The following ATAD2 variants were observed in gnomAD, a reference collection of about 807,000 sequenced individuals.
The protein encoded by ATAD2 is ATPase family AAA domain containing 2, also known as ATPase family AAA domain-containing protein 2.
In ATAD2, 62 loss-of-function variants were observed where a neutral mutation model predicts 168.9. That is an observed-to-expected ratio of 0.37 (90% CI 0.30 to 0.45). The LOEUF (loss-of-function observed/expected upper bound fraction) is 0.45, where lower values mean the gene tolerates loss of function less well. Ranked by LOEUF, ATAD2 falls within the 20% of genes least tolerant of loss-of-function variation. The pLI is 1.00. For synonymous variants in ATAD2, 613 were observed against 571.6 expected (o/e 1.07, Z -1.03); for missense variants, 1,419 against 1,667.8 (o/e 0.85, Z 2.60).
At chr8:123,400,658 A>C, upstream of ATAD2, 1 of 709,092 alleles carries the variant, frequency 1.4e-6, no homozygotes, top group Non-Finnish European at 2.6e-6. The surrounding 1 kb of genome is among the most constrained non-coding windows in gnomAD (Gnocchi z 4.5). Context: ...GCCAGAGCCG[A>C]CAGCCTCACC....
At chr8:123,330,398 T>TCTGTCACCCAGGCTGGAGTG (rs577645438) in intron 24 of ATAD2, among the ~76,000 whole-genome samples, 2 of 152,102 alleles carry the variant, frequency 1.3e-5, no homozygotes, top group Admixed American at 6.6e-5. Context: ...GGAGTCTTGC[T>TCTGTCACCCAGGCTGGAGTG]CTGTCACCCA....
At chr8:123,382,235 G>C (rs1253787776) in intron 1 of ATAD2, among the ~76,000 whole-genome samples, 1 of 152,162 alleles carries the variant, frequency 6.6e-6, no homozygotes, top group Non-Finnish European at 1.5e-5. Context: ...GTCGAATGTT[G>C]TTTTATCAGG....
rs373026665 is a variant in ATAD2, at chr8:123,328,621, C to G, written c.3479-42G>C. The G allele has an allele frequency of 2.7e-6, 4 of 1,491,222 alleles. No homozygotes were observed. In the South Asian group the frequency reaches 5.9e-5, roughly 22 times the overall value. The allele number at this position is 1,491,222 out of a possible 1,614,324, so 92.4% of individuals were successfully genotyped here. A position where few individuals can be genotyped will look rare whatever the true frequency, so the allele number is the denominator to read the frequency against. ...GAAAAATGATGAAAGAACATTCAACCATTTTCTGAAATTCAAAGAGTGAAA... is the reference window on the plus strand; with the variant it reads ...GAAAAATGATGAAAGAACATTCAACGATTTTCTGAAATTCAAAGAGTGAAA... On this transcript the variant is annotated intron_variant, in intron 24 of 27. Transcript: ENST00000287394.
chr8:123,354,837 C>CAA lies in ATAD2; in HGVS notation c.1646+1550_1646+1551dup, dbSNP rs71310668. 2.4e-3 allele frequency among the ~76,000 whole-genome samples: 55 copies of CAA among 22,788 alleles called. 3 individuals are homozygous for CAA. The highest frequency in any genetic ancestry group is 5.7e-3 in the African/African-American group (19 of 3,316). 14.9% of individuals were successfully genotyped at this position (22,788 alleles called of 152,430 possible). On this transcript the variant is annotated intron_variant, in intron 13 of 27. Coordinates refer to ENST00000287394, the MANE Select transcript of ATAD2 (RefSeq NM_014109.4). Reference sequence around the variant, plus strand: ...TGGGCAACAGAGCAAGACTCTGTCTCAAAAAAAAAAAAAAAAAAAAAAAAA... The same window carrying CAA: ...TGGGCAACAGAGCAAGACTCTGTCTCAAAAAAAAAAAAAAAAAAAAAAAAAAA...
chr8:123,383,546 C>CG (rs1563861854), intron 1 of ATAD2, among the ~76,000 whole-genome samples: 2 of 150,180 alleles, frequency 1.3e-5, no homozygotes, highest in African/African-American at 4.9e-5. Context: ...CCGAGGCTGG[C>CG]GGATCACCTG....
At chr8:123,390,179 A>G (rs1448996527) in intron 1 of ATAD2, among the ~76,000 whole-genome samples, 2 of 151,754 alleles carry the variant, frequency 1.3e-5, no homozygotes, top group East Asian at 3.9e-4. Flanking sequence ...GGATTTCACC[A>G]TGTTGGCTAG....
intron 1 of ATAD2, among the ~76,000 whole-genome samples, chr8:123,415,845 G>C (rs1249577142): frequency 6.6e-6 from 1 of 152,006 alleles, no homozygotes; most frequent in African/African-American, 2.4e-5. Context: ...CACCCGCCTC[G>C]GTCTCCCAAA....
At chr8:123,400,840 G>C, upstream of ATAD2, 1 of 1,328,382 alleles carries the variant, frequency 7.5e-7, no homozygotes, top group Admixed American at 1.7e-5. This position sits in a 1 kb window ranked among gnomAD's most constrained non-coding sequence, Gnocchi z 4.5. Context: ...GGGAGGTATT[G>C]GTTTCATTCA....
At chr8:123,329,243 T>C (rs993102985) in intron 24 of ATAD2, among the ~76,000 whole-genome samples, 2 of 152,114 alleles carry the variant, frequency 1.3e-5, no homozygotes, top group Non-Finnish European at 2.9e-5. Flanking sequence ...GCTACACTTA[T>C]TGAGCATTTA....
chr8:123,327,851 T>C (rs150103956), intron 25 of ATAD2, among the ~76,000 whole-genome samples: 2 of 152,230 alleles, frequency 1.3e-5, no homozygotes, highest in Non-Finnish European at 2.9e-5. Context: ...ATACTTTAGT[T>C]TGTTACATTT....
chr8:123,326,577 C>A (rs752796253), intron 25 of ATAD2, among the ~76,000 whole-genome samples: 2 of 151,962 alleles, frequency 1.3e-5, no homozygotes, highest in Non-Finnish European at 2.9e-5. Flanking sequence ...GCTTGGGAGG[C>A]TGAGGTTTGA....
chr8:123,366,752 G>A (rs541731016), intron 8 of ATAD2, among the ~76,000 whole-genome samples: 2 of 152,164 alleles, frequency 1.3e-5, no homozygotes, highest in Admixed American at 1.3e-4. Flanking sequence ...TGGGAAGGGA[G>A]TGAGGGATAA....
chr8:123,351,322 A>C (rs1470479231), intron 13 of ATAD2, among the ~76,000 whole-genome samples: 1 of 152,136 alleles, frequency 6.6e-6, no homozygotes, highest in Non-Finnish European at 1.5e-5. Flanking sequence ...TGGGCCAGAT[A>C]ATTATTTGTT....
At chr8:123,389,751 G>A (rs1182419963) in intron 1 of ATAD2, among the ~76,000 whole-genome samples, 1 of 150,476 alleles carries the variant, frequency 6.6e-6, no homozygotes, top group East Asian at 1.9e-4. Context: ...CTGTATTATT[G>A]GACATTTTTC....
Position 123,334,258 on chromosome 8 carries a change from T to C in ATAD2, c.3276A>G (p.Glu1092=), listed in dbSNP as rs1165843067. The change falls in exon 23 of 28, where the codon GAA becomes GAG. Residue 1092 remains glutamate (E), a synonymous_variant. Transcript: ENST00000287394. ...RDTAYAIIKE[E]LDEDFEQLCE... Reference sequence around the variant, plus strand: ...AGAGCTGCTCAAAGTCTTCATCAAGTTCTTCTTTAATTATGGCATAGGCAG... The same window carrying C: ...AGAGCTGCTCAAAGTCTTCATCAAGCTCTTCTTTAATTATGGCATAGGCAG... 1.9e-6 allele frequency: 3 copies of C among 1,604,012 alleles called. No individual in the cohort carries two copies. Among genetic ancestry groups the C allele is most frequent in the Non-Finnish European group, 8.5e-7 (1 of 1,177,522 alleles).
At chr8:123,330,434 G>A (rs891113177) in intron 24 of ATAD2, among the ~76,000 whole-genome samples, 9 of 152,076 alleles carry the variant, frequency 5.9e-5, no homozygotes, top group East Asian at 5.8e-4. Context: ...ACCCAGGCTC[G>A]GCTCACTGCA....
Position 123,380,590 on chromosome 8 carries a change from A to T in ATAD2, c.259T>A (p.Ser87Thr), listed in dbSNP as rs552488691. 4.3e-6 allele frequency: 7 copies of T among 1,614,014 alleles called. No homozygotes were observed. The highest frequency in any genetic ancestry group is 4.0e-5 in the African/African-American group (3 of 75,042). ...ATTTCCACATTCTTCTCAAAACTAGAATCTGAAGAATTCTGTGCATCTTTT... is the reference window on the plus strand; with the variant it reads ...ATTTCCACATTCTTCTCAAAACTAGTATCTGAAGAATTCTGTGCATCTTTT... ...LRKDAQNSSD[S>T]SFEKNVEITE... The change falls in exon 2 of 28, where the codon TCT becomes ACT. Residue 87 changes from serine to threonine, a missense_variant. Physicochemically the swap from Ser to Thr is moderately conservative, Grantham distance 58. Coordinates refer to ENST00000287394, the MANE Select transcript of ATAD2 (RefSeq NM_014109.4).
At chr8:123,322,150 G>A (rs2131267481) in intron 27 of ATAD2, among the ~76,000 whole-genome samples, 1 of 152,140 alleles carries the variant, frequency 6.6e-6, no homozygotes, top group South Asian at 2.1e-4. Flanking sequence ...ACCACATCTG[G>A]CTAGTTTTTG....
intron 10 of ATAD2, 51 bp downstream of exon 10, chr8:123,359,526 A>G: frequency 6.7e-7 from 1 of 1,496,074 alleles, no homozygotes; most frequent in African/African-American, 1.4e-5. Context: ...CTTTAAAACT[A>G]AAACAAAGCA....
Sources: allele counts gnomAD v4.1 joint callset (sites outside exome capture counted in the v4.1 genomes callset), GRCh38; gene constraint gnomAD v4.1.1; non-coding constraint Gnocchi (gnomAD v3.1); transcripts MANE v1.5; gene names NCBI Gene and HGNC (gene_info 2026-07-23, HGNC 2026-07-21).